Variants in NGFR observed in about 807,000 individuals in gnomAD.
The protein encoded by NGFR is tumor necrosis factor receptor superfamily member 16.
A neutral mutation model predicts 43.2 loss-of-function variants in NGFR; 30 were observed. The observed-to-expected ratio is 0.69, with a 90% CI of 0.52 to 0.94. The LOEUF is 0.94. NGFR is among the 40% of genes least tolerant of loss of function. The probability of loss-of-function intolerance (pLI) is 0.00; values close to 1 mark genes in which losing one functional copy is unlikely to be tolerated. For missense variants in NGFR, 529 were observed against 602.5 expected, an observed-to-expected ratio of 0.88 and a Z score of 1.28; for synonymous variants, 246 against 259.6, an observed-to-expected ratio of 0.95 and a Z score of 0.50.
intron 4 of NGFR, 101 bp from the exon 5 acceptor site, chr17:49,511,791 C>T (rs998226162): frequency 1.1e-4 from 155 of 1,366,074 alleles, no homozygotes; most frequent in Non-Finnish European, 1.4e-4. Context: ...ATTGGGCACC[C>T]GCCATGCCCC....
At chr17:49,503,977 G>C (rs1290259428) in intron 2 of NGFR, among the ~76,000 whole-genome samples, 1 of 152,146 alleles carries the variant, frequency 6.6e-6, no homozygotes, top group East Asian at 1.9e-4. Context: ...GGCAGGCAGA[G>C]AGGTGGCTTT....
At chr17:49,502,018 C>CCCCCCCCTG in intron 1 of NGFR, 45 bp from the exon 2 acceptor site, 1 of 1,320,360 alleles carries the variant, frequency 7.6e-7, no homozygotes, top group African/African-American at 1.5e-5. Flanking sequence ...CAACCCACCC[C>CCCCCCCCTG]AGCTTTCTCT....
Position 49,512,824 on chromosome 17 carries a change from G to A in NGFR, c.1099G>A (p.Gly367Ser). 1 of 1,613,448 alleles carries A rather than the reference G, an allele frequency of 6.2e-7. No homozygotes were observed. Among genetic ancestry groups the A allele is most frequent in the Non-Finnish European group, 8.5e-7 (1 of 1,179,964 alleles). ...DTWRHLAGEL[G>S]YQPEHIDSFT... ...CTGGCGGCACCTGGCGGGCGAGCTG[G>A]GCTACCAGCCCGAGCACATAGACTC... The change falls in exon 6 of 6, where the codon GGC becomes AGC. Residue 367 changes from glycine (G) to serine (S), a missense_variant. Coordinates refer to ENST00000172229, the MANE Select transcript of NGFR (RefSeq NM_002507.4). This position sits in a 1 kb window ranked among gnomAD's most constrained non-coding sequence, Gnocchi z 5.2.
At position 49,513,146 on chromosome 17, in the gene NGFR, T is replaced by C; in HGVS notation, c.*137T>C. The C allele has an allele frequency of 1.1e-6, 1 of 932,596 alleles. No homozygotes were observed. The highest frequency in any genetic ancestry group is 1.6e-6 in the Non-Finnish European group (1 of 644,282). 57.8% of individuals were successfully genotyped at this position (932,596 alleles called of 1,614,324 possible). On this transcript the variant is annotated 3_prime_UTR_variant, in exon 6 of 6. Coordinates refer to ENST00000172229, the MANE Select transcript of NGFR (RefSeq NM_002507.4). ...AGCTCCTCTGGGCAGGACCTCAGAG[T>C]CCAGGCCCCAAAACCACAGCCCTGT...
rs11466160 is a variant in NGFR at position 49,512,139 on chromosome 17, G to T, written c.982+87G>T. On this transcript the variant is annotated intron_variant, in intron 5 of 5. Coordinates refer to ENST00000172229, the MANE Select transcript of NGFR (RefSeq NM_002507.4). This position sits in a 1 kb window ranked among gnomAD's most constrained non-coding sequence, Gnocchi z 5.2. ...AGATTAGACTCCAGGAAGGACTGTC[G>T]GGGGGGCGGCAGGGCTGGCTCAGCG... The T allele has an allele frequency of 2.0e-6, 3 of 1,478,884 alleles. No individual in the cohort carries two copies. Among genetic ancestry groups the T allele is most frequent in the Admixed American group, 2.2e-5 (1 of 46,262 alleles). The allele number at this position is 1,478,884 out of a possible 1,614,324, so 91.6% of individuals were successfully genotyped here.
chr17:49,509,801 C>G (rs2071220149), intron 3 of NGFR, among the ~76,000 whole-genome samples: 1 of 152,228 alleles, frequency 6.6e-6, no homozygotes, highest in South Asian at 2.1e-4. Flanking sequence ...CCCCGCACCC[C>G]TCCTTTCCAC....
intron 1 of NGFR, chr17:49,497,684 C>T (rs936790424): frequency 6.6e-6 from 1 of 152,328 alleles, no homozygotes; most frequent in African/African-American, 2.4e-5. Flanking sequence ...GAGCGCGTCC[C>T]GGCGGGTCGG....
At position 49,512,086 on chromosome 17, in the gene NGFR, G is replaced by A. The variant is rs1360051468; in HGVS notation, c.982+34G>A. 1 of 1,600,564 alleles carries A rather than the reference G, an allele frequency of 6.2e-7. No individual in the cohort carries two copies. Among genetic ancestry groups the A allele is most frequent in the Non-Finnish European group, 8.5e-7 (1 of 1,173,328 alleles). On this transcript the variant is annotated intron_variant, in intron 5 of 5. Transcript: ENST00000172229. The surrounding 1 kb of genome is among the most constrained non-coding windows in gnomAD (Gnocchi z 5.2). ...CGGCCCGCTGGGGAGCTGAGGCGGA[G>A]CTGAGGCTGAGGAAACAGAAGCAAT...
In NGFR at chr17:49,515,003, G is replaced by GA. The variant is rs756456729; in HGVS notation, c.*1999dup. The stretch of plus-strand genomic sequence containing the variant: ...TGATGAACATTAAATAGCAAAGAAA[G>GA]AAAAATAGTACAAAGAGATTTTCTG... On this transcript the variant is annotated 3_prime_UTR_variant, in exon 6 of 6. Coordinates refer to ENST00000172229, the MANE Select transcript of NGFR (RefSeq NM_002507.4). 1.3e-5 allele frequency: 2 copies of GA among 152,104 alleles called. No homozygotes were observed. The highest frequency in any genetic ancestry group is 2.9e-5 in the Non-Finnish European group (2 of 68,018). The allele number at this position is 152,104 out of a possible 1,614,324, so 9.4% of individuals were successfully genotyped here. A position where few individuals can be genotyped will look rare whatever the true frequency, so the allele number is the denominator to read the frequency against.
At chr17:49,510,862 C>A in intron 4 of NGFR, 198 bp downstream of exon 4, 1 of 623,506 alleles carries the variant, frequency 1.6e-6, no homozygotes, top group Non-Finnish European at 2.8e-6. Flanking sequence ...CCTGTCCTGT[C>A]CTGTCCTCTC....
intron 4 of NGFR, chr17:49,510,917 A>C (rs1597864194): frequency 2.1e-6 from 1 of 487,104 alleles, no homozygotes; most frequent in East Asian, 3.5e-5. Flanking sequence ...ATGCCGCACC[A>C]CTCCCTGACT....
Position 49,512,745 on chromosome 17 carries a change from C to A in NGFR, c.1020C>A (p.Pro340=), listed in dbSNP as rs202106976. Residue 340 remains proline (P), a synonymous_variant, in exon 6 of 6, where the codon CCC becomes CCA. Coordinates refer to ENST00000172229, the MANE Select transcript of NGFR (RefSeq NM_002507.4). The surrounding 1 kb of genome is among the most constrained non-coding windows in gnomAD (Gnocchi z 5.2). ...ACGGAGGCCTCTACAGCAGCCTGCCCCCAGCCAAGCGGGAGGAGGTGGAGA... is the reference window on the plus strand; with the variant it reads ...ACGGAGGCCTCTACAGCAGCCTGCCACCAGCCAAGCGGGAGGAGGTGGAGA... ...KGDGGLYSSL[P]PAKREEVEKL... The A allele has an allele frequency of 1.7e-5, 27 of 1,611,952 alleles. No individual in the cohort carries two copies. The highest frequency in any genetic ancestry group is 2.3e-5 in the Non-Finnish European group (27 of 1,179,344).
intron 2 of NGFR, among the ~76,000 whole-genome samples, chr17:49,504,491 T>A (rs1160932811): frequency 2.6e-5 from 4 of 152,252 alleles, no homozygotes; most frequent in Non-Finnish European, 5.9e-5. Flanking sequence ...GCCAAAGCTT[T>A]ATGGCTGAAT....
chr17:49,513,058 T>G lies in NGFR; in HGVS notation c.*49T>G. 1 of 1,459,346 alleles carries G rather than the reference T, an allele frequency of 6.9e-7. No individual in the cohort carries two copies. Among genetic ancestry groups the G allele is most frequent in the Non-Finnish European group, 9.0e-7 (1 of 1,105,244 alleles). The allele number at this position is 1,459,346 out of a possible 1,614,324, so 90.4% of individuals were successfully genotyped here. A position where few individuals can be genotyped will look rare whatever the true frequency, so the allele number is the denominator to read the frequency against. ...CGCCCCACATTCCGACAACCGATGC[T>G]CCAGCCAACCCCTGTGGAGCCCGCA... On this transcript the variant is annotated 3_prime_UTR_variant, in exon 6 of 6. Transcript: ENST00000172229.
Position 49,512,815 on chromosome 17 carries a change from G to A in NGFR, c.1090G>A (p.Gly364Ser), listed in dbSNP as rs777239683. 4 of 1,613,426 alleles carry A rather than the reference G, an allele frequency of 2.5e-6. No individual in the cohort carries two copies. Among genetic ancestry groups the A allele is most frequent in the South Asian group, 2.2e-5 (2 of 91,080 alleles). The change falls in exon 6 of 6, where the codon GGC (glycine) becomes AGC (serine). Residue 364 changes from glycine to serine, a missense_variant. Coordinates refer to ENST00000172229, the MANE Select transcript of NGFR (RefSeq NM_002507.4). The surrounding 1 kb of genome is among the most constrained non-coding windows in gnomAD (Gnocchi z 5.2). ...GGGGGACACCTGGCGGCACCTGGCG[G>A]GCGAGCTGGGCTACCAGCCCGAGCA... ...SAGDTWRHLA[G>S]ELGYQPEHID...
At chr17:49,506,208 T>C in intron 2 of NGFR, 91 bp from the exon 3 acceptor site, 2 of 1,492,520 alleles carry the variant, frequency 1.3e-6, no homozygotes, top group Admixed American at 2.2e-5. Flanking sequence ...GTCAGCGTCC[T>C]GGCAGGCAAT....
At chr17:49,507,716 G>A (rs2071208352) in intron 3 of NGFR, among the ~76,000 whole-genome samples, 1 of 152,184 alleles carries the variant, frequency 6.6e-6, no homozygotes. Context: ...ATTTCCCTTT[G>A]AGAACTAACC....
chr17:49,506,624 C>T lies in NGFR; in HGVS notation c.534C>T (p.Arg178=), dbSNP rs768597889. Residue 178 remains arginine (R), a synonymous_variant, in exon 3 of 6, where the codon CGC becomes CGT. Transcript: ENST00000172229. ...GCGAGGACACCGAGCGCCAGCTCCG[C>T]GAGTGCACACGCTGGGCCGACGCCG... The part of the protein sequence containing the change: ...TVCEDTERQL[R]ECTRWADAEC... 4.4e-6 allele frequency: 7 copies of T among 1,577,474 alleles called. No homozygotes were observed. The highest frequency in any genetic ancestry group is 1.7e-4 in the Middle Eastern group (1 of 5,938).
chr17:49,513,002 C>A lies in NGFR; in HGVS notation c.1277C>A (p.Pro426Gln). 6.4e-7 allele frequency: 1 copy of A among 1,557,764 alleles called. No homozygotes were observed. Among genetic ancestry groups the A allele is most frequent in the East Asian group, 2.3e-5 (1 of 43,442 alleles). ...SLCSESTATS[P>Q]V ...TGCAGTGAGTCCACTGCCACATCCC[C>A]GGTGTGAGCCCAACCGGGGAGCCCC... Residue 426 changes from proline (P) to glutamine (Q), a missense_variant, in exon 6 of 6, where the codon CCG becomes CAG. Pro to Gln is a moderately conservative substitution (Grantham distance 76). Transcript: ENST00000172229.
Sources: allele counts gnomAD v4.1 joint callset (sites outside exome capture counted in the v4.1 genomes callset), GRCh38; gene constraint gnomAD v4.1.1; non-coding constraint Gnocchi (gnomAD v3.1); transcripts MANE v1.5; gene names NCBI Gene and HGNC (gene_info 2026-07-23, HGNC 2026-07-21).